EVI5: variants seen among roughly 807,000 people sequenced by gnomAD.
The protein encoded by EVI5 is ecotropic viral integration site 5 protein homolog.
In EVI5, 73 loss-of-function variants were observed where a neutral mutation model predicts 112.0. The ratio of observed to expected loss-of-function variants is 0.65; its 90% CI spans 0.54 to 0.79. The LOEUF (loss-of-function observed/expected upper bound fraction) is 0.79, where lower values mean the gene tolerates loss of function less well. Among genes scored for constraint, EVI5 ranks in the 30% least tolerant of loss-of-function variants. The probability of loss-of-function intolerance (pLI) is 0.00; values close to 1 mark genes in which losing one functional copy is unlikely to be tolerated. For missense variants in EVI5, 900 were observed against 968.8 expected, an observed-to-expected ratio of 0.93 and a Z score of 0.94; for synonymous variants, 305 against 319.9, an observed-to-expected ratio of 0.95 and a Z score of 0.50.
At chr1:92,564,268 T>C (rs1448550627) in intron 18 of EVI5, among the ~76,000 whole-genome samples, 1 of 152,172 alleles carries the variant, frequency 6.6e-6, no homozygotes, top group Non-Finnish European at 1.5e-5. Flanking sequence ...ATGGATCTAC[T>C]GATGAAAAAA....
intron 18 of EVI5, among the ~76,000 whole-genome samples, chr1:92,581,030 T>A (rs1371949672): frequency 2.6e-5 from 4 of 152,210 alleles, no homozygotes; most frequent in Non-Finnish European, 4.4e-5. Context: ...CAATAATAAT[T>A]AATAAATAAT....
In EVI5 at chr1:92,694,364, C is replaced by T; in HGVS notation, c.934G>A (p.Gly312Arg). The T allele has an allele frequency of 6.2e-7, 1 of 1,601,652 alleles. No individual in the cohort carries two copies. The highest frequency in any genetic ancestry group is 1.1e-5 in the South Asian group (1 of 89,866). ...TGATTCATCTGAAGAAGTGCTAATC[C>T]TACACGAAACACTATTTCTAAACCC... Reference protein sequence around the residue: ...SEGLEIVFRVGLALLQMNQAE... With the variant: ...SEGLEIVFRVRLALLQMNQAE... Residue 312 changes from glycine to arginine, a missense_variant, in exon 8 of 20, where the codon GGA becomes AGA. Transcript: ENST00000684568.
intron 1 of EVI5, chr1:92,784,287 A>G (rs1487462562): frequency 4.1e-6 from 4 of 984,968 alleles, no homozygotes; most frequent in African/African-American, 1.7e-5. Context: ...GGCTTGCCCC[A>G]CTAGTCATAA....
chr1:92,535,082 G>GA (rs1157378748), intron 19 of EVI5, among the ~76,000 whole-genome samples: 14 of 149,702 alleles, frequency 9.4e-5, no homozygotes, highest in Non-Finnish European at 1.5e-4. Context: ...AAATTTACAA[G>GA]AAAAAAAAAC....
chr1:92,792,157 G>T (rs1686148091), intron 1 of EVI5, among the ~76,000 whole-genome samples: 1 of 152,146 alleles, frequency 6.6e-6, no homozygotes. Flanking sequence ...TTCATCACTC[G>T]AATGGCTGCA....
intron 1 of EVI5, among the ~76,000 whole-genome samples, chr1:92,770,562 G>GT (rs1470776601): frequency 6.6e-6 from 1 of 151,990 alleles, no homozygotes; most frequent in Non-Finnish European, 1.5e-5. Context: ...AGGCCAAGGC[G>GT]GGCTGATCAC....
intron 16 of EVI5, among the ~76,000 whole-genome samples, chr1:92,616,605 C>T (rs1653237497): frequency 6.6e-6 from 1 of 152,138 alleles, no homozygotes; most frequent in Non-Finnish European, 1.5e-5. Context: ...GAGCAAAATA[C>T]TAATTTGAAT....
rs562605992 is a variant in EVI5, at chr1:92,544,777, A to T, written c.2166+18865T>A. On this transcript the variant is annotated intron_variant, in intron 19 of 19. Transcript: ENST00000684568. ...TGAACCCAAATAAGCTTGCAAATAAAGTTAGTATCCCTCTCTTCCTCCTCC... is the reference window on the plus strand; with the variant it reads ...TGAACCCAAATAAGCTTGCAAATAATGTTAGTATCCCTCTCTTCCTCCTCC... 2.6e-5 allele frequency among the ~76,000 whole-genome samples: 4 copies of T among 152,322 alleles called. No individual in the cohort carries two copies. In the East Asian group the frequency reaches 7.7e-4, roughly 29 times the overall value.
At chr1:92,658,185 G>A (rs879794416) in intron 13 of EVI5, among the ~76,000 whole-genome samples, 1 of 152,146 alleles carries the variant, frequency 6.6e-6, no homozygotes, top group Non-Finnish European at 1.5e-5. Flanking sequence ...AACAAGACAA[G>A]GATGCTTACT....
At chr1:92,516,771 TG>T (rs1659958433) in intron 19 of EVI5, among the ~76,000 whole-genome samples, 1 of 152,138 alleles carries the variant, frequency 6.6e-6, no homozygotes, top group Non-Finnish European at 1.5e-5. Flanking sequence ...CCTGGCTATC[TG>T]ATCTAAATGA....
At chr1:92,789,415 G>A (rs1191607728), upstream of EVI5, among the ~76,000 whole-genome samples, 9 of 151,906 alleles carry the variant, frequency 5.9e-5, no homozygotes, top group African/African-American at 2.2e-4. Context: ...CCATTCTCCT[G>A]CCTCAGCCTC....
chr1:92,737,193 T>C (rs1203445620), intron 1 of EVI5, among the ~76,000 whole-genome samples: 1 of 151,732 alleles, frequency 6.6e-6, no homozygotes, highest in African/African-American at 2.4e-5. Context: ...AGTGTTGTTA[T>C]AGAAGAGGGA....
At chr1:92,733,089 A>G (rs568958111) in intron 2 of EVI5, 13 of 220,482 alleles carry the variant, frequency 5.9e-5, no homozygotes, top group African/African-American at 2.8e-4. Flanking sequence ...ATTAACAGCT[A>G]AGAAATTAAG....
chr1:92,686,210 G>T (rs1189695145), intron 9 of EVI5, among the ~76,000 whole-genome samples: 35 of 152,188 alleles, frequency 2.3e-4, no homozygotes, highest in Non-Finnish European at 7.4e-5. Context: ...TGATCAAGTT[G>T]GCTTCATCCC....
At chr1:92,630,815 A>C (rs1386240109) in intron 14 of EVI5, among the ~76,000 whole-genome samples, 1 of 152,164 alleles carries the variant, frequency 6.6e-6, no homozygotes, top group Non-Finnish European at 1.5e-5. Context: ...TAACATTTAA[A>C]TCTTTAATCC....
chr1:92,636,439 A>T, intron 13 of EVI5, 103 bp from the exon 14 acceptor site: 1 of 900,390 alleles, frequency 1.1e-6, no homozygotes. Flanking sequence ...ATTAAGGGCA[A>T]CTAAATAGGA....
At chr1:92,593,712 T>G (rs549471048) in intron 18 of EVI5, among the ~76,000 whole-genome samples, 9 of 152,278 alleles carry the variant, frequency 5.9e-5, no homozygotes, top group African/African-American at 2.2e-4. Flanking sequence ...GATAAGCAAC[T>G]TCAGCAAAGT....
chr1:92,532,819 T>TACA (rs910546460), intron 19 of EVI5, among the ~76,000 whole-genome samples: 107 of 151,952 alleles, frequency 7.0e-4, no homozygotes, highest in African/African-American at 2.5e-3. Context: ...CCTAAATGCC[T>TACA]ACAAGAGGAA....
At chr1:92,704,986 GC>G (rs1671748787) in intron 2 of EVI5, among the ~76,000 whole-genome samples, 1 of 151,956 alleles carries the variant, frequency 6.6e-6, no homozygotes, top group Admixed American at 6.6e-5. Context: ...TGAGCTACTA[GC>G]CCCATTATAA....
Sources: allele counts gnomAD v4.1 joint callset (sites outside exome capture counted in the v4.1 genomes callset), GRCh38; gene constraint gnomAD v4.1.1; transcripts MANE v1.5; gene names NCBI Gene and HGNC (gene_info 2026-07-23, HGNC 2026-07-21).